FOXP2: variants seen among roughly 807,000 people sequenced by gnomAD.
FOXP2 encodes forkhead box P2, also known as forkhead box protein P2.
A neutral mutation model predicts 115.8 loss-of-function variants in FOXP2; 12 were observed. The ratio of observed to expected loss-of-function variants is 0.10; its 90% CI spans 0.07 to 0.17. The LOEUF (loss-of-function observed/expected upper bound fraction) is 0.17. FOXP2 is among the 10% of genes least tolerant of loss of function. FOXP2 has a pLI of 1.00. For synonymous variants in FOXP2, 328 were observed against 297.7 expected (o/e 1.10, Z -1.05); for missense variants, 629 against 843.5 (o/e 0.75, Z 3.15).
rs1336121584 is a variant in FOXP2, at chr7:114,692,969, G to A, written c.*3043G>A. ...TTCTGTATTCATGGCTTTCACTGCT[G>A]AATAAAATAAAGGACCAAACCTAGG... On this transcript the variant is annotated 3_prime_UTR_variant, in exon 17 of 17. Transcript: ENST00000350908. The A allele has an allele frequency of 2.2e-6, 1 of 453,834 alleles. No homozygotes were observed. Among genetic ancestry groups the A allele is most frequent in the Non-Finnish European group, 4.4e-6 (1 of 226,642 alleles). 28.1% of individuals were successfully genotyped at this position (453,834 alleles called of 1,614,324 possible).
intron 2 of FOXP2, among the ~76,000 whole-genome samples, chr7:114,329,498 G>A (rs6954428): frequency 0.45 from 65,389 of 144,422 alleles, 15,122 homozygotes; most frequent in African/African-American, 0.55. Flanking sequence ...CAGCCTGGGC[G>A]ACAAGAGTGA....
At chr7:114,484,578 T>C (rs535987094) in intron 2 of FOXP2, among the ~76,000 whole-genome samples, 2 of 152,042 alleles carry the variant, frequency 1.3e-5, no homozygotes, top group South Asian at 4.1e-4. Context: ...GCGGTAATAA[T>C]AATGACATTG....
chr7:114,507,985 CA>C (rs1797904608), intron 2 of FOXP2, among the ~76,000 whole-genome samples: 1 of 151,642 alleles, frequency 6.6e-6, no homozygotes, highest in Non-Finnish European at 1.5e-5. Context: ...AGCATTCATC[CA>C]AAAAGACATT....
rs995915299 is a variant in FOXP2 at position 114,692,832 on chromosome 7, C to A, written c.*2906C>A. On this transcript the variant is annotated 3_prime_UTR_variant, in exon 17 of 17. Transcript: ENST00000350908. Reference sequence around the variant, plus strand: ...GGTGGAATATACCTGTTTTATTTATCTTTTTTGAGGTAAACTAATTTTTGA... The same window carrying A: ...GGTGGAATATACCTGTTTTATTTATATTTTTTGAGGTAAACTAATTTTTGA... 1 of 449,572 alleles carries A rather than the reference C, an allele frequency of 2.2e-6. No homozygotes were observed. The highest frequency in any genetic ancestry group is 1.6e-5 in the South Asian group (1 of 63,382). 27.8% of individuals were successfully genotyped at this position (449,572 alleles called of 1,614,324 possible). A position where few individuals can be genotyped will look rare whatever the true frequency, so the allele number is the denominator to read the frequency against.
Position 114,690,535 on chromosome 7 carries a change from C to A in FOXP2, c.*609C>A, listed in dbSNP as rs573752751. On this transcript the variant is annotated 3_prime_UTR_variant, in exon 17 of 17. Transcript: ENST00000350908. ...ATGACATAAGTTAGTTATTACAAAACACAGTAATTAGACTGTTGCAACCAT... is the reference window on the plus strand; with the variant it reads ...ATGACATAAGTTAGTTATTACAAAAAACAGTAATTAGACTGTTGCAACCAT... 146 of 454,050 alleles carry A rather than the reference C, an allele frequency of 3.2e-4. No individual in the cohort carries two copies. The highest frequency in any genetic ancestry group is 2.7e-3 in the African/African-American group (133 of 50,104). The allele number at this position is 454,050 out of a possible 1,614,324, so 28.1% of individuals were successfully genotyped here.
At chr7:114,494,032 A>G (rs1413086986) in intron 2 of FOXP2, among the ~76,000 whole-genome samples, 2 of 152,092 alleles carry the variant, frequency 1.3e-5, no homozygotes, top group Non-Finnish European at 2.9e-5. Flanking sequence ...TTGAATTAAC[A>G]TATTTCTGAA....
chr7:114,252,402 G>A (rs1025755815), intron 1 of FOXP2, among the ~76,000 whole-genome samples: 15 of 152,054 alleles, frequency 9.9e-5, no homozygotes, highest in Non-Finnish European at 1.9e-4. Flanking sequence ...GTGGAATTCG[G>A]CTGTGAATCC....
At position 114,303,197 on chromosome 7, in the gene FOXP2, G is replaced by A. The variant is rs563880185; in HGVS notation, c.-11+15088G>A. On this transcript the variant is annotated intron_variant, in intron 2 of 17. Coordinates refer to the FOXP2 transcript ENST00000634411. ...CCCCATATCACTTATTGTTAAATGA[G>A]TAATTGTCACAGATAACGTGGAACT... is the stretch of plus-strand genomic sequence containing the variant. 2.6e-5 allele frequency among the ~76,000 whole-genome samples: 4 copies of A among 152,272 alleles called. No homozygotes were observed. The East Asian group carries it at 7.7e-4, about 29-fold the overall frequency.
chr7:114,615,954 CTTTG>C (rs2129320603), intron 3 of FOXP2, among the ~76,000 whole-genome samples: 1 of 152,264 alleles, frequency 6.6e-6, no homozygotes, highest in South Asian at 2.1e-4. Flanking sequence ...AGATGATCCT[CTTTG>C]TTTAACACCT....
rs568578001 is a variant in FOXP2 at position 114,503,467 on chromosome 7, T to C, written c.169-31150T>C. On this transcript the variant is annotated intron_variant, in intron 2 of 16. Coordinates refer to ENST00000350908, the MANE Select transcript of FOXP2 (RefSeq NM_014491.4). ...CTGATTTTAGGGTAATGGGCATCTA[T>C]TCTCTAATATATCTTGATATAAAAA... Among the ~76,000 whole-genome samples the C allele has an allele frequency of 5.5e-4, 84 of 151,732 alleles. 1 individual carries two copies. In the South Asian group the frequency reaches 0.017, roughly 31 times the overall value.
chr7:114,544,133 T>G (rs976046374), intron 3 of FOXP2, among the ~76,000 whole-genome samples: 2 of 152,084 alleles, frequency 1.3e-5, no homozygotes, highest in African/African-American at 4.8e-5. Flanking sequence ...AGGGTTATAG[T>G]CATGAGCCAC....
chr7:114,335,910 A>C (rs1473308468), intron 2 of FOXP2, among the ~76,000 whole-genome samples: 3 of 151,830 alleles, frequency 2.0e-5, no homozygotes, highest in Admixed American at 2.0e-4. Flanking sequence ...ATGTGATGTG[A>C]TATATAGTGA....
intron 1 of FOXP2, among the ~76,000 whole-genome samples, chr7:114,104,499 A>G (rs1290117006): frequency 6.6e-6 from 1 of 152,058 alleles, no homozygotes; most frequent in Non-Finnish European, 1.5e-5. Context: ...TGTTGATAGC[A>G]TAGGTGATGA....
rs376046728 is a variant in FOXP2 at position 114,399,960 on chromosome 7, G to A, written c.-10-26542G>A. Among the ~76,000 whole-genome samples the A allele has an allele frequency of 9.8e-4, 146 of 149,044 alleles. 2 individuals are homozygous for A. In the South Asian group the frequency reaches 0.011, roughly 12 times the overall value. ...CAACCTCCGCCCCCCGAGTTCAAGC[G>A]ATTCTCCTGCCTCAGCCTTCTGAGT... On this transcript the variant is annotated intron_variant, in intron 2 of 17. Coordinates refer to the FOXP2 transcript ENST00000634411.
chr7:114,350,541 C>G (rs546495336), intron 2 of FOXP2, among the ~76,000 whole-genome samples: 1 of 152,132 alleles, frequency 6.6e-6, no homozygotes. Flanking sequence ...TACAATGAAA[C>G]TAGCATGATC....
intron 2 of FOXP2, among the ~76,000 whole-genome samples, chr7:114,516,287 C>T (rs1584836512): frequency 6.6e-6 from 1 of 152,040 alleles, no homozygotes; most frequent in East Asian, 1.9e-4. Context: ...TTTGACAAAC[C>T]TGACAAAAAC....
At chr7:114,300,478 ATAT>A (rs969263288) in intron 2 of FOXP2, among the ~76,000 whole-genome samples, 2 of 152,010 alleles carry the variant, frequency 1.3e-5, no homozygotes, top group Non-Finnish European at 2.9e-5. Context: ...ATGATTTTCT[ATAT>A]TATTTCAACT....
At chr7:114,276,077 G>A (rs754958694) in intron 1 of FOXP2, among the ~76,000 whole-genome samples, 33 of 152,262 alleles carry the variant, frequency 2.2e-4, no homozygotes, top group South Asian at 1.7e-3. Flanking sequence ...CTATCCCAGC[G>A]GGGTAGGCTC....
intron 1 of FOXP2, among the ~76,000 whole-genome samples, chr7:114,110,476 G>GT (rs2129142096): frequency 6.6e-6 from 1 of 152,012 alleles, no homozygotes; most frequent in South Asian, 2.1e-4. Flanking sequence ...TTAATGGATT[G>GT]TTTTTCATTT....
Sources: allele counts gnomAD v4.1 joint callset (sites outside exome capture counted in the v4.1 genomes callset), GRCh38; gene constraint gnomAD v4.1.1; transcripts MANE v1.5; gene names NCBI Gene and HGNC (gene_info 2026-07-23, HGNC 2026-07-21).